The following SCUBE1 variants were observed in gnomAD, a reference collection of about 807,000 sequenced individuals.
SCUBE1 encodes signal peptide, CUB and EGF-like domain-containing protein 1.
Under a neutral mutation model 124.4 loss-of-function variants are expected in SCUBE1, and 59 were observed. That is an observed-to-expected ratio of 0.47 (90% CI 0.38 to 0.59). The LOEUF (loss-of-function observed/expected upper bound fraction) is 0.59. Among genes scored for constraint, SCUBE1 ranks in the 20% least tolerant of loss-of-function variants. The probability of loss-of-function intolerance (pLI) is 0.00; values close to 1 mark genes in which losing one functional copy is unlikely to be tolerated. For synonymous variants in SCUBE1, 545 were observed against 550.9 expected, an observed-to-expected ratio of 0.99 and a Z score of 0.15; for missense variants, 1,150 against 1,371.2, an observed-to-expected ratio of 0.84 and a Z score of 2.55.
chr22:43,205,263 A>T (rs953134772), intron 21 of SCUBE1, among the ~76,000 whole-genome samples: 3 of 152,106 alleles, frequency 2.0e-5, no homozygotes, highest in African/African-American at 4.8e-5. Context: ...TCTAGGCAGC[A>T]AACGGGGCTG....
chr22:43,263,511 C>G, intron 4 of SCUBE1, among the ~76,000 whole-genome samples: 1 of 152,304 alleles, frequency 6.6e-6, no homozygotes, highest in Middle Eastern at 3.4e-3. Flanking sequence ...GAAGCCGGCT[C>G]GGGGAGCGGC....
At chr22:43,226,610 C>T (rs139011) in intron 10 of SCUBE1, among the ~76,000 whole-genome samples, 2 of 137,106 alleles carry the variant, frequency 1.5e-5, no homozygotes, top group Non-Finnish European at 3.2e-5. Context: ...GAGGAGTTAC[C>T]GGGGTTGGAA....
rs982332193 is a variant in SCUBE1, at chr22:43,232,000, A to G, written c.845-125T>C. ...TGAGTTGCCTGGTGCCCACTTCCCA[A>G]GCTGGCTGCTGGCTCCCCAGCTGTG... On this transcript the variant is annotated intron_variant, in intron 7 of 21. Coordinates refer to ENST00000360835, the MANE Select transcript of SCUBE1 (RefSeq NM_173050.5). The G allele has an allele frequency of 1.6e-5, 19 of 1,176,362 alleles. No individual in the cohort carries two copies. The African/African-American group carries it at 2.4e-4, about 15-fold the overall frequency. The allele number at this position is 1,176,362 out of a possible 1,614,324, so 72.9% of individuals were successfully genotyped here.
At chr22:43,280,065 G>A (rs1924701450) in intron 4 of SCUBE1, among the ~76,000 whole-genome samples, 1 of 152,170 alleles carries the variant, frequency 6.6e-6, no homozygotes, top group Non-Finnish European at 1.5e-5. Context: ...CAGTCAGGAG[G>A]AGGAAGGTGG....
intron 4 of SCUBE1, chr22:43,270,112 T>G (rs939446699): frequency 6.6e-6 from 1 of 152,178 alleles, no homozygotes; most frequent in Non-Finnish European, 1.5e-5. Context: ...ATGCCACAAG[T>G]GGAGAATTCT....
At chr22:43,253,457 T>C (rs1923536126) in intron 6 of SCUBE1, among the ~76,000 whole-genome samples, 2 of 152,086 alleles carry the variant, frequency 1.3e-5, no homozygotes, top group African/African-American at 4.8e-5. Flanking sequence ...CTCTTCTGTC[T>C]GGGGCAGGAC....
intron 11 of SCUBE1, among the ~76,000 whole-genome samples, 166 bp downstream of exon 11, chr22:43,222,931 C>G (rs960306893): frequency 2.0e-5 from 3 of 152,144 alleles, no homozygotes; most frequent in Non-Finnish European, 2.9e-5. Context: ...AGAAGGACAG[C>G]GAGGCCCACA....
chr22:43,303,594 T>G (rs1343434769), intron 3 of SCUBE1, among the ~76,000 whole-genome samples: 1 of 152,252 alleles, frequency 6.6e-6, no homozygotes, highest in Non-Finnish European at 1.5e-5. Flanking sequence ...AAGGGGGCAC[T>G]CGCTTGGCTG....
At chr22:43,208,753 C>T (rs931330727) in intron 19 of SCUBE1, among the ~76,000 whole-genome samples, 2 of 152,178 alleles carry the variant, frequency 1.3e-5, no homozygotes, top group African/African-American at 2.4e-5. Context: ...AGGAGGAAAT[C>T]AGGAGCCGAG....
rs5996311 is a variant in SCUBE1, at chr22:43,325,885, T to C, written c.221-5820A>G. Among the ~76,000 whole-genome samples, 1,247 of 151,892 alleles carry C rather than the reference T, an allele frequency of 8.2e-3. 23 individuals carry two copies. Among genetic ancestry groups the C allele is most frequent in the African/African-American group, 0.029 (1,198 of 41,434 alleles). On this transcript the variant is annotated intron_variant, in intron 2 of 21. Coordinates refer to ENST00000360835, the MANE Select transcript of SCUBE1 (RefSeq NM_173050.5). ...GTGCGCACACACAACCCCATGGCTG[T>C]GCTTCCGTGCCAGCAACGCAGGTTT...
At chr22:43,236,026 G>A (rs890949017) in intron 7 of SCUBE1, among the ~76,000 whole-genome samples, 11 of 152,156 alleles carry the variant, frequency 7.2e-5, no homozygotes, top group Non-Finnish European at 1.6e-4. Flanking sequence ...GGTTGTCCAA[G>A]CCCGCTGTGA....
chr22:43,198,525 T>C lies in SCUBE1; in HGVS notation c.*5472A>G, dbSNP rs753330922. 2.2e-6 allele frequency: 1 copy of C among 456,502 alleles called. No homozygotes were observed. The highest frequency in any genetic ancestry group is 4.4e-6 in the Non-Finnish European group (1 of 226,870). 28.3% of individuals were successfully genotyped at this position (456,502 alleles called of 1,614,324 possible). Reference sequence around the variant, plus strand: ...GCTGTGGGGGCAGAGGCAGCCGCGGTAGAATAGGAGGCGCTCTCTGCTCTC... The same window carrying C: ...GCTGTGGGGGCAGAGGCAGCCGCGGCAGAATAGGAGGCGCTCTCTGCTCTC... On this transcript the variant is annotated 3_prime_UTR_variant, in exon 22 of 22. Coordinates refer to ENST00000360835, the MANE Select transcript of SCUBE1 (RefSeq NM_173050.5).
At chr22:43,295,755 C>G (rs1485946101) in intron 3 of SCUBE1, among the ~76,000 whole-genome samples, 4 of 152,256 alleles carry the variant, frequency 2.6e-5, no homozygotes, top group Non-Finnish European at 4.4e-5. Flanking sequence ...ACCTGAAACG[C>G]CTCTGTTCAT....
intron 1 of SCUBE1, among the ~76,000 whole-genome samples, chr22:43,339,642 A>G (rs1284812803): frequency 3.9e-5 from 1 of 25,944 alleles, no homozygotes; most frequent in Non-Finnish European, 7.4e-5. Context: ...CTATCCCCCC[A>G]CAAGCATCAC....
intron 1 of SCUBE1, among the ~76,000 whole-genome samples, chr22:43,342,381 CTCCGGATCCTCTGCCT>C (rs1927349444): frequency 6.6e-6 from 1 of 152,056 alleles, no homozygotes; most frequent in African/African-American, 2.4e-5. Context: ...TGTGTCTGTC[CTCCGGATCCTCTGCCT>C]TCCTTCCCTC....
intron 1 of SCUBE1, 145 bp from the exon 2 acceptor site, chr22:43,339,380 T>A: frequency 1.3e-6 from 1 of 756,486 alleles, no homozygotes; most frequent in Non-Finnish European, 2.1e-6. Context: ...CAGGACAATC[T>A]GGTGTGACAA....
chr22:43,229,298 T>C lies in SCUBE1; in HGVS notation c.968-110A>G, dbSNP rs370143297. ...GGCACATCTGTGGACACACAGTCCC[T>C]GGGCGCAGGCGCAGCACAGCACCGA... On this transcript the variant is annotated intron_variant, in intron 8 of 21. Coordinates refer to ENST00000360835, the MANE Select transcript of SCUBE1 (RefSeq NM_173050.5). 6.7e-5 allele frequency: 53 copies of C among 793,900 alleles called. 1 individual carries two copies. The African/African-American group carries it at 8.9e-4, about 13-fold the overall frequency. 49.2% of individuals were successfully genotyped at this position (793,900 alleles called of 1,614,324 possible).
chr22:43,232,119 G>C, intron 7 of SCUBE1: 1 of 529,760 alleles, frequency 1.9e-6, no homozygotes. Flanking sequence ...CTTCCCCTGA[G>C]ACTTGGCAAG....
intron 4 of SCUBE1, among the ~76,000 whole-genome samples, chr22:43,264,520 T>C (rs1460820984): frequency 6.6e-6 from 1 of 152,128 alleles, no homozygotes; most frequent in Admixed American, 6.5e-5. Context: ...TACTGAGACA[T>C]ATTCAGTCCC....
Sources: allele counts gnomAD v4.1 joint callset (sites outside exome capture counted in the v4.1 genomes callset), GRCh38; gene constraint gnomAD v4.1.1; transcripts MANE v1.5; gene names NCBI Gene and HGNC (gene_info 2026-07-23, HGNC 2026-07-21).